The following MBNL2 variants were observed in gnomAD, a reference collection of about 807,000 sequenced individuals.
MBNL2 encodes the protein muscleblind-like protein 2.
In MBNL2, 17 loss-of-function variants were observed where a neutral mutation model predicts 41.9. That is an observed-to-expected ratio of 0.41 (90% CI 0.28 to 0.61). The LOEUF (loss-of-function observed/expected upper bound fraction) is 0.61, where lower values mean the gene tolerates loss of function less well. MBNL2 is among the 20% of genes least tolerant of loss of function. The pLI is 0.35. For missense variants in MBNL2, 336 were observed against 505.6 expected (o/e 0.66, Z 3.22); for synonymous variants, 195 against 182.9 (o/e 1.07, Z -0.53).
At chr13:97,371,119 A>G (rs947700474) in intron 8 of MBNL2, among the ~76,000 whole-genome samples, 2 of 152,234 alleles carry the variant, frequency 1.3e-5, no homozygotes, top group Non-Finnish European at 2.9e-5. Flanking sequence ...AACTTGAATT[A>G]TTATAATATT....
chr13:97,167,990 A>G, the MBNL2 span, among the ~76,000 whole-genome samples: 1 of 151,978 alleles, frequency 6.6e-6, no homozygotes, highest in African/African-American at 2.4e-5. Flanking sequence ...TTTGAGATGG[A>G]GTTTGGCTCT....
chr13:97,159,976 A>C, the MBNL2 span, among the ~76,000 whole-genome samples: 1 of 152,006 alleles, frequency 6.6e-6, no homozygotes, highest in African/African-American at 2.4e-5. Flanking sequence ...CTCCTGGATA[A>C]TATCCTGCAG....
At chr13:97,291,871 G>A (rs1238140547) in intron 2 of MBNL2, among the ~76,000 whole-genome samples, 7 of 115,100 alleles carry the variant, frequency 6.1e-5, no homozygotes, top group Non-Finnish European at 1.0e-4. Context: ...CTCCAGCCTG[G>A]GCAACAGAGC....
chr13:97,311,491 C>T (rs1283901649), intron 2 of MBNL2, among the ~76,000 whole-genome samples: 9 of 152,136 alleles, frequency 5.9e-5, no homozygotes, highest in Admixed American at 5.9e-4. Flanking sequence ...AGCAAACAAG[C>T]CAGCTCACAC....
At chr13:97,224,789 T>G (rs2041351757) in intron 1 of MBNL2, among the ~76,000 whole-genome samples, 1 of 152,228 alleles carries the variant, frequency 6.6e-6, no homozygotes, top group Non-Finnish European at 1.5e-5. Context: ...TACTTTGTGC[T>G]CATGTAAATT....
chr13:97,180,276 A>G, the MBNL2 span, among the ~76,000 whole-genome samples: 1 of 152,172 alleles, frequency 6.6e-6, no homozygotes, highest in Non-Finnish European at 1.5e-5. Context: ...CAGATACTGG[A>G]GGAGGACCAA....
chr13:97,164,524 C>T, the MBNL2 span, among the ~76,000 whole-genome samples: 1 of 151,992 alleles, frequency 6.6e-6, no homozygotes. Context: ...AATTTAAATG[C>T]CTAATTGCAA....
intron 1 of MBNL2, among the ~76,000 whole-genome samples, chr13:97,239,428 G>A (rs1030566269): frequency 6.6e-6 from 1 of 152,196 alleles, no homozygotes; most frequent in Admixed American, 6.5e-5. Context: ...ATTGAGGCAG[G>A]CATTTCTCTA....
intron 3 of MBNL2, among the ~76,000 whole-genome samples, chr13:97,338,844 C>G (rs533066509): frequency 6.6e-6 from 1 of 152,242 alleles, no homozygotes; most frequent in East Asian, 1.9e-4. Context: ...AGGCACGTAC[C>G]CTTTAAAGCA....
At chr13:97,143,799 G>C in the MBNL2 span, among the ~76,000 whole-genome samples, 4 of 152,254 alleles carry the variant, frequency 2.6e-5, no homozygotes, top group African/African-American at 9.6e-5. Flanking sequence ...TTTTTCGATA[G>C]TTCAATGATG....
At chr13:97,176,623 T>C in the MBNL2 span, among the ~76,000 whole-genome samples, 1 of 152,104 alleles carries the variant, frequency 6.6e-6, no homozygotes, top group Non-Finnish European at 1.5e-5. Context: ...CATTAATGAG[T>C]ACAGCTTAGC....
chr13:97,203,152 A>G, the MBNL2 span, among the ~76,000 whole-genome samples: 1 of 151,964 alleles, frequency 6.6e-6, no homozygotes, highest in Non-Finnish European at 1.5e-5. Context: ...TTAAGGGTCT[A>G]GCACTTTATT....
chr13:97,326,373 C>T (rs1229605908), intron 2 of MBNL2, among the ~76,000 whole-genome samples: 1 of 152,122 alleles, frequency 6.6e-6, no homozygotes, highest in East Asian at 1.9e-4. Context: ...ATGGAAGCAA[C>T]AGAGAAAAAG....
chr13:97,214,220 C>G, the MBNL2 span, among the ~76,000 whole-genome samples: 2 of 152,136 alleles, frequency 1.3e-5, no homozygotes, highest in African/African-American at 4.8e-5. Flanking sequence ...TTGGTGACAC[C>G]AAAGTGATAC....
chr13:97,346,000 T>C (rs556789670), intron 4 of MBNL2, among the ~76,000 whole-genome samples: 1 of 152,252 alleles, frequency 6.6e-6, no homozygotes, highest in South Asian at 2.1e-4. Flanking sequence ...GGTAAGCAGG[T>C]ATATAGATAG....
In MBNL2 at chr13:97,222,406, A is replaced by G. The variant is rs2040941293; in HGVS notation, c.-730A>G. On this transcript the variant is annotated 5_prime_UTR_variant, in exon 1 of 9. Transcript: ENST00000679496. ...AGACGGCTTTCAGAGTACAATAAAC[A>G]GGGAATGAGAACTATTTACATGGAA... 1 of 398,572 alleles carries G rather than the reference A, an allele frequency of 2.5e-6. No individual in the cohort carries two copies. Among genetic ancestry groups the G allele is most frequent in the Non-Finnish European group, 4.4e-6 (1 of 226,084 alleles). 24.7% of individuals were successfully genotyped at this position (398,572 alleles called of 1,614,324 possible). A position where few individuals can be genotyped will look rare whatever the true frequency, so the allele number is the denominator to read the frequency against.
the MBNL2 span, among the ~76,000 whole-genome samples, chr13:97,155,064 C>A: frequency 6.6e-6 from 1 of 151,984 alleles, no homozygotes; most frequent in African/African-American, 2.4e-5. Flanking sequence ...TGAGATGAGC[C>A]CAAACTCCTG....
intron 2 of MBNL2, among the ~76,000 whole-genome samples, chr13:97,294,365 T>C (rs2056690329): frequency 6.6e-6 from 1 of 152,214 alleles, no homozygotes; most frequent in African/African-American, 2.4e-5. Flanking sequence ...CAGATAGCCA[T>C]GCAGAATTTA....
intron 7 of MBNL2, 191 bp downstream of exon 7, chr13:97,357,826 G>A: frequency 1.5e-6 from 1 of 654,058 alleles, no homozygotes. Flanking sequence ...GGATTCTAAA[G>A]CCAAATATTT....
Sources: allele counts gnomAD v4.1 joint callset (sites outside exome capture counted in the v4.1 genomes callset), GRCh38; gene constraint gnomAD v4.1.1; transcripts MANE v1.5; gene names NCBI Gene and HGNC (gene_info 2026-07-23, HGNC 2026-07-21).